NFE2L2: variants seen among roughly 807,000 people sequenced by gnomAD.
NFE2L2 encodes the protein NFE2 like bZIP transcription factor 2.
NFE2L2 carries 20 observed loss-of-function variants against 49.6 expected under a neutral mutation model. The ratio of observed to expected loss-of-function variants is 0.40; its 90% confidence interval spans 0.28 to 0.59. NFE2L2 has a LOEUF of 0.59. NFE2L2 is among the 20% of genes least tolerant of loss of function. The probability of loss-of-function intolerance (pLI) is 0.40; values close to 1 mark genes in which losing one functional copy is unlikely to be tolerated. For missense variants in NFE2L2, 578 were observed against 714.2 expected (o/e 0.81, Z 2.17); for synonymous variants, 244 against 256.5 (o/e 0.95, Z 0.47).
rs1021133145 is a variant in NFE2L2 at position 177,263,906 on chromosome 2, C to A, written c.45+626G>T. The A allele has an allele frequency of 4.1e-6, 4 of 985,452 alleles. No homozygotes were observed. In the African/African-American group the frequency reaches 5.2e-5, roughly 13 times the overall value. 61.0% of individuals were successfully genotyped at this position (985,452 alleles called of 1,614,324 possible). ...GCTGGGCTTTCAAGAGAGCTCAAGG[C>A]TGCCAGAGAGTGATCCGAGAGATGG... On this transcript the variant is annotated intron_variant, in intron 1 of 4. Coordinates refer to ENST00000397062, the MANE Select transcript of NFE2L2 (RefSeq NM_006164.5).
chr2:177,238,633 A>G (rs140498002), intron 1 of NFE2L2, among the ~76,000 whole-genome samples: 2 of 152,354 alleles, frequency 1.3e-5, no homozygotes, highest in East Asian at 3.9e-4. Context: ...GTCCAGGCCA[A>G]TGGATAATAA....
chr2:177,236,345 A>C (rs973630832), intron 1 of NFE2L2, among the ~76,000 whole-genome samples: 1 of 152,240 alleles, frequency 6.6e-6, no homozygotes, highest in Admixed American at 6.5e-5. Context: ...CATGGGGCTC[A>C]TTATTCTAGC....
intron 1 of NFE2L2, among the ~76,000 whole-genome samples, chr2:177,247,297 T>C (rs1312418682): frequency 6.6e-6 from 1 of 152,106 alleles, no homozygotes; most frequent in Admixed American, 6.6e-5. Context: ...CAAGGCCTCC[T>C]ACATTAATTC....
intron 1 of NFE2L2, among the ~76,000 whole-genome samples, chr2:177,250,400 G>C (rs1180974446): frequency 6.6e-6 from 1 of 152,148 alleles, no homozygotes; most frequent in East Asian, 1.9e-4. Flanking sequence ...TTCATATTAA[G>C]ATCTGAGAAT....
Position 177,230,766 on chromosome 2 carries a change from AG to A in NFE2L2, c.*18del. The A allele has an allele frequency of 6.4e-7, 1 of 1,554,018 alleles. No individual in the cohort carries two copies. The highest frequency in any genetic ancestry group is 8.6e-7 in the Non-Finnish European group (1 of 1,157,764). ...TAGTACAAAAAAACTAGCTCAGAAA[AG>A]GTCAAATCCTCCTAAATCTAGTTTT... On this transcript the variant is annotated 3_prime_UTR_variant, in exon 5 of 5. Transcript: ENST00000397062.
intron 1 of NFE2L2, among the ~76,000 whole-genome samples, chr2:177,241,321 G>A (rs1689930805): frequency 6.6e-6 from 1 of 152,072 alleles, no homozygotes; most frequent in Non-Finnish European, 1.5e-5. Flanking sequence ...CAGAGTCTAA[G>A]TTACACTTGA....
Position 177,231,933 on chromosome 2 carries a change from C to G in NFE2L2, c.670G>C (p.Asp224His). The G allele has an allele frequency of 6.2e-7, 1 of 1,614,068 alleles. No individual in the cohort carries two copies. Among genetic ancestry groups the G allele is most frequent in the Non-Finnish European group, 8.5e-7 (1 of 1,179,958 alleles). The change falls in exon 5 of 5, where the codon GAC becomes CAC. Residue 224 changes from aspartate (D) to histidine (H), a missense_variant. Physicochemically the swap from Asp to His is moderately conservative, Grantham distance 81 (BLOSUM62 -1). Coordinates refer to ENST00000397062, the MANE Select transcript of NFE2L2 (RefSeq NM_006164.5). ...PSPEAKLTEV[D>H]NYHFYSSIPS... is the part of the protein sequence containing the mutation. ...ATAGATGAGTAAAAATGATAATTGT[C>G]AACTTCTGTCAGTTTGGCTTCTGGA...
chr2:177,234,389 C>A, intron 1 of NFE2L2, 118 bp from the exon 2 acceptor site: 1 of 1,153,596 alleles, frequency 8.7e-7, no homozygotes, highest in Non-Finnish European at 1.2e-6. Flanking sequence ...ATTACAAATA[C>A]AATCTAAATG....
chr2:177,241,731 T>C (rs1290022003), intron 1 of NFE2L2, among the ~76,000 whole-genome samples: 1 of 152,166 alleles, frequency 6.6e-6, no homozygotes, highest in Non-Finnish European at 1.5e-5. Context: ...GAGACACTGC[T>C]GTAGTCCCAG....
At chr2:177,248,074 G>A (rs1019468633) in intron 1 of NFE2L2, among the ~76,000 whole-genome samples, 4 of 152,176 alleles carry the variant, frequency 2.6e-5, no homozygotes, top group South Asian at 2.1e-4. Flanking sequence ...AACTGACTAA[G>A]GAGAGCTGAC....
At chr2:177,249,035 T>C (rs954937077) in intron 1 of NFE2L2, among the ~76,000 whole-genome samples, 2 of 150,744 alleles carry the variant, frequency 1.3e-5, no homozygotes, top group African/African-American at 4.9e-5. Flanking sequence ...CTGGCCAACA[T>C]GGAAGACGCA....
chr2:177,237,216 G>C (rs1689780292), intron 1 of NFE2L2, among the ~76,000 whole-genome samples: 1 of 152,186 alleles, frequency 6.6e-6, no homozygotes, highest in Non-Finnish European at 1.5e-5. Flanking sequence ...CATGGAACCA[G>C]AGGCTGCATG....
chr2:177,260,676 C>G (rs1690699578), intron 1 of NFE2L2, among the ~76,000 whole-genome samples: 1 of 152,142 alleles, frequency 6.6e-6, no homozygotes, highest in African/African-American at 2.4e-5. Flanking sequence ...TCACCATATT[C>G]TTACTACCAA....
chr2:177,252,000 CAAAAAAAAA>C (rs3082509), intron 1 of NFE2L2, among the ~76,000 whole-genome samples: 1 of 104,538 alleles, frequency 9.6e-6, no homozygotes, highest in Non-Finnish European at 1.8e-5. Flanking sequence ...GACTCTGTCT[CAAAAAAAAA>C]AAAAAAAAGG....
At chr2:177,236,329 C>T (rs962325312) in intron 1 of NFE2L2, among the ~76,000 whole-genome samples, 8 of 152,156 alleles carry the variant, frequency 5.3e-5, no homozygotes, top group African/African-American at 1.9e-4. Context: ...GCTATGAAAC[C>T]CTGCTCATGG....
chr2:177,233,613 TA>T (rs922470175), intron 2 of NFE2L2: 1 of 514,862 alleles, frequency 1.9e-6, no homozygotes, highest in Non-Finnish European at 3.4e-6. Context: ...GGTAACTAAT[TA>T]ATATAGTTGT....
In NFE2L2 at chr2:177,232,034, T is replaced by C. The variant is rs1558979587; in HGVS notation, c.595-26A>G. On this transcript the variant is annotated intron_variant, in intron 4 of 4. Transcript: ENST00000397062. ...CTGCATGAGAAGGAAGTTTATACTA[T>C]ATAAATCAAAGTTAATCCATGATAA... 1.7e-5 allele frequency: 27 copies of C among 1,544,908 alleles called. No homozygotes were observed. In the East Asian group the frequency reaches 5.2e-4, roughly 30 times the overall value.
At chr2:177,247,116 T>C (rs1378080843) in intron 1 of NFE2L2, among the ~76,000 whole-genome samples, 1 of 152,116 alleles carries the variant, frequency 6.6e-6, no homozygotes, top group East Asian at 1.9e-4. Flanking sequence ...AGTTGCTGGG[T>C]CAAAGAGTAT....
In NFE2L2 at chr2:177,264,698, C is replaced by T. The variant is rs1250902400; in HGVS notation, c.-122G>A. The T allele has an allele frequency of 2.4e-6, 2 of 833,982 alleles. No individual in the cohort carries two copies. Among genetic ancestry groups the T allele is most frequent in the Non-Finnish European group, 3.3e-6 (2 of 606,726 alleles). 51.7% of individuals were successfully genotyped at this position (833,982 alleles called of 1,614,324 possible). On this transcript the variant is annotated 5_prime_UTR_variant, in exon 1 of 5. Coordinates refer to ENST00000397062, the MANE Select transcript of NFE2L2 (RefSeq NM_006164.5). ...GCGGCGGTGGCGGCTGCGTCGGCGG[C>T]TCCTCCGGGCTCCCCGGCACTCGGT...
Sources: gnomAD v4.1 joint callset for allele counts (sites outside exome capture counted in the v4.1 genomes callset) on GRCh38, gnomAD v4.1.1 for gene constraint, MANE v1.5 for transcripts, NCBI Gene and HGNC (gene_info 2026-07-23, HGNC 2026-07-21) for gene names.